The following IGSF11 variants were observed in gnomAD, a reference collection of about 807,000 sequenced individuals.
IGSF11 encodes immunoglobulin superfamily member 11, also known as CXADR like 1.
IGSF11 carries 22 observed loss-of-function variants against 41.0 expected under a neutral mutation model. The ratio of observed to expected loss-of-function variants is 0.54; its 90% CI spans 0.38 to 0.77. The LOEUF is 0.77. Ranked by LOEUF, IGSF11 falls within the 30% of genes least tolerant of loss-of-function variation. The pLI is 0.00. For missense variants in IGSF11, 444 were observed against 530.8 expected (o/e 0.84, Z 1.61); for synonymous variants, 219 against 201.3 (o/e 1.09, Z -0.74).
At chr3:118,975,949 C>T (rs561620658) in intron 1 of IGSF11, among the ~76,000 whole-genome samples, 7 of 152,132 alleles carry the variant, frequency 4.6e-5, no homozygotes, top group Non-Finnish European at 1.0e-4. Context: ...ATCATTTGTA[C>T]CCCAAACCTC....
intron 1 of IGSF11, among the ~76,000 whole-genome samples, chr3:118,975,312 T>C (rs1933950988): frequency 6.6e-6 from 1 of 151,694 alleles, no homozygotes; most frequent in Admixed American, 6.6e-5. Flanking sequence ...TTTACTCATT[T>C]CATATAGATT....
chr3:118,992,459 C>T (rs992882321), intron 1 of IGSF11, among the ~76,000 whole-genome samples: 1 of 152,206 alleles, frequency 6.6e-6, no homozygotes, highest in African/African-American at 2.4e-5. Flanking sequence ...GTTTATACAA[C>T]ATTTGAATCT....
chr3:119,103,243 C>T (rs2076966926), intron 1 of IGSF11, among the ~76,000 whole-genome samples: 1 of 152,164 alleles, frequency 6.6e-6, no homozygotes, highest in Non-Finnish European at 1.5e-5. Flanking sequence ...TTGATCCGCC[C>T]ACCTCGGCCT....
intron 1 of IGSF11, among the ~76,000 whole-genome samples, chr3:118,952,292 T>C (rs1944630293): frequency 2.6e-5 from 4 of 152,162 alleles, no homozygotes; most frequent in African/African-American, 9.7e-5. Flanking sequence ...TGTGGTAATA[T>C]GGCAACAGTG....
chr3:119,036,440 A>C (rs572123336), upstream of IGSF11, among the ~76,000 whole-genome samples: 60 of 152,348 alleles, frequency 3.9e-4, no homozygotes, highest in South Asian at 6.6e-3. Flanking sequence ...AGGGTATAAG[A>C]GTAAGCAATA....
chr3:118,956,739 T>C (rs886713356), intron 1 of IGSF11, among the ~76,000 whole-genome samples: 38 of 152,094 alleles, frequency 2.5e-4, no homozygotes, highest in African/African-American at 8.9e-4. Context: ...CAGATCATCA[T>C]AATAGACAGA....
chr3:119,124,725 G>C (rs1322474193), intron 1 of IGSF11, among the ~76,000 whole-genome samples: 1 of 152,062 alleles, frequency 6.6e-6, no homozygotes, highest in Admixed American at 6.6e-5. Flanking sequence ...AGAGGAGCTA[G>C]AGAAAGACAT....
intron 1 of IGSF11, among the ~76,000 whole-genome samples, chr3:119,114,213 T>G (rs1382370735): frequency 1.3e-5 from 2 of 152,254 alleles, no homozygotes. Flanking sequence ...TCCTTACTTA[T>G]GCAAATTTCT....
intron 1 of IGSF11, among the ~76,000 whole-genome samples, chr3:119,098,862 T>G (rs1479891609): frequency 6.6e-6 from 1 of 152,226 alleles, no homozygotes; most frequent in Non-Finnish European, 1.5e-5. Flanking sequence ...CTCAATTGGC[T>G]GGCATATATT....
chr3:119,083,844 A>G (rs1425267837), intron 1 of IGSF11, among the ~76,000 whole-genome samples: 2 of 152,202 alleles, frequency 1.3e-5, no homozygotes, highest in Non-Finnish European at 2.9e-5. Flanking sequence ...TCATTCTTTT[A>G]GAGTATACTC....
chr3:119,115,993 T>C (rs2077251227), intron 1 of IGSF11, among the ~76,000 whole-genome samples: 1 of 152,210 alleles, frequency 6.6e-6, no homozygotes. Flanking sequence ...CGAGGAGCTT[T>C]GTGAATTTAC....
intron 1 of IGSF11, among the ~76,000 whole-genome samples, chr3:118,934,820 C>A (rs1388056732): frequency 3.9e-5 from 6 of 152,198 alleles, no homozygotes; most frequent in African/African-American, 1.2e-4. Flanking sequence ...AATCCATGAT[C>A]AAATCTGGCA....
intron 1 of IGSF11, among the ~76,000 whole-genome samples, chr3:119,115,044 G>T (rs1381881684): frequency 6.6e-6 from 1 of 152,152 alleles, no homozygotes; most frequent in Admixed American, 6.5e-5. Flanking sequence ...CACAAGAACA[G>T]TAAGGAAGAA....
intron 1 of IGSF11, among the ~76,000 whole-genome samples, chr3:119,000,216 T>C (rs1936681569): frequency 6.6e-6 from 1 of 150,558 alleles, no homozygotes; most frequent in South Asian, 2.1e-4. Context: ...TCTTTAGGAC[T>C]CTGTCCTTGG....
At chr3:119,029,445 G>C (rs887624999) in intron 1 of IGSF11, among the ~76,000 whole-genome samples, 34 of 152,326 alleles carry the variant, frequency 2.2e-4, no homozygotes, top group Admixed American at 2.2e-3. Context: ...TTCTGTGTCT[G>C]CCTGGTTGGC....
At chr3:119,137,031 T>C (rs2077572639) in intron 1 of IGSF11, among the ~76,000 whole-genome samples, 1 of 151,958 alleles carries the variant, frequency 6.6e-6, no homozygotes, top group Admixed American at 6.6e-5. Flanking sequence ...GTGAAAGATC[T>C]CTACAATAAA....
rs143486300 is a variant in IGSF11, at chr3:118,924,364, TAGTA to T, written c.580+1733_580+1736del. Among the ~76,000 whole-genome samples, 1,287 of 152,212 alleles carry T rather than the reference TAGTA, an allele frequency of 8.5e-3. 23 individuals carry two copies. The highest frequency in any genetic ancestry group is 0.03 in the African/African-American group (1,232 of 41,542). ...TTATATTAATAATTTTAAACATAAT[TAGTA>T]AAGTAAATCTTCTGAAAAAAATCTA... On this transcript the variant is annotated intron_variant, in intron 4 of 6. Transcript: ENST00000393775.
At chr3:118,992,117 C>A (rs1159885768) in intron 1 of IGSF11, among the ~76,000 whole-genome samples, 2 of 152,088 alleles carry the variant, frequency 1.3e-5, no homozygotes, top group Non-Finnish European at 2.9e-5. Context: ...TACTTTCCAG[C>A]AAGAATAGAC....
intron 1 of IGSF11, among the ~76,000 whole-genome samples, chr3:119,064,635 C>A (rs1490862666): frequency 6.9e-6 from 1 of 145,678 alleles, no homozygotes; most frequent in Admixed American, 7.2e-5. Flanking sequence ...GAAAAAATAT[C>A]TTTATAATAT....
Sources: gnomAD v4.1 joint callset for allele counts (sites outside exome capture counted in the v4.1 genomes callset) on GRCh38, gnomAD v4.1.1 for gene constraint, MANE v1.5 for transcripts, NCBI Gene and HGNC (gene_info 2026-07-23, HGNC 2026-07-21) for gene names.